LIN28B: variants seen among roughly 807,000 people sequenced by gnomAD.
LIN28B encodes protein lin-28 homolog B.
LIN28B carries 5 observed loss-of-function variants against 21.9 expected under a neutral mutation model. The observed-to-expected ratio is 0.23, with a 90% confidence interval of 0.12 to 0.48. The LOEUF is 0.48. Ranked by LOEUF, LIN28B falls within the 20% of genes least tolerant of loss-of-function variation. The probability of loss-of-function intolerance (pLI) is 0.98; values close to 1 mark genes in which losing one functional copy is unlikely to be tolerated. For synonymous variants in LIN28B, 109 were observed against 111.3 expected, an observed-to-expected ratio of 0.98 and a Z score of 0.13; for missense variants, 245 against 310.5, an observed-to-expected ratio of 0.79 and a Z score of 1.58.
At chr6:105,000,715 GAAT>G (rs1770702505) in intron 2 of LIN28B, among the ~76,000 whole-genome samples, 1 of 151,636 alleles carries the variant, frequency 6.6e-6, no homozygotes, top group Non-Finnish European at 1.5e-5. Flanking sequence ...CCTTAACCTA[GAAT>G]AATAATCACT....
chr6:105,019,032 G>C (rs567484523), intron 2 of LIN28B, among the ~76,000 whole-genome samples: 2 of 151,434 alleles, frequency 1.3e-5, no homozygotes, highest in African/African-American at 4.9e-5. Context: ...TGCAACCTCC[G>C]CCTCCCGGGT....
intron 2 of LIN28B, among the ~76,000 whole-genome samples, chr6:104,986,410 A>G (rs1049018321): frequency 6.6e-6 from 1 of 151,968 alleles, no homozygotes; most frequent in Non-Finnish European, 1.5e-5. Context: ...AATTATTGTT[A>G]CTTTATAGTA....
rs1772557591 is a variant in LIN28B, at chr6:105,082,394, CT to C, written c.*3614del. On this transcript the variant is annotated 3_prime_UTR_variant, in exon 4 of 4. Coordinates refer to ENST00000345080, the MANE Select transcript of LIN28B (RefSeq NM_001004317.4). ...ATAGGAGCCCATAAGTGTTAATAGA[CT>C]TTGTAACATTCACTATAAGATGAAT... 6.6e-6 allele frequency: 1 copy of C among 152,594 alleles called. No individual in the cohort carries two copies. Among genetic ancestry groups the C allele is most frequent in the Non-Finnish European group, 1.5e-5 (1 of 68,036 alleles). 9.5% of individuals were successfully genotyped at this position (152,594 alleles called of 1,614,324 possible).
intron 2 of LIN28B, among the ~76,000 whole-genome samples, chr6:105,012,807 G>A (rs1471237110): frequency 6.6e-6 from 1 of 152,116 alleles, no homozygotes; most frequent in Non-Finnish European, 1.5e-5. Flanking sequence ...GTGAACATGT[G>A]TTTTAATTTC....
At chr6:105,034,723 A>T (rs1368367541) in intron 3 of LIN28B, among the ~76,000 whole-genome samples, 1 of 152,070 alleles carries the variant, frequency 6.6e-6, no homozygotes, top group Non-Finnish European at 1.5e-5. Context: ...ACATGAATTA[A>T]CTTGCCTTTT....
intron 3 of LIN28B, chr6:104,950,609 C>A: frequency 1.6e-6 from 1 of 630,686 alleles, no homozygotes; most frequent in Non-Finnish European, 2.3e-6. Flanking sequence ...CTCAGGAATT[C>A]TCCATCCTTT....
chr6:104,979,558 T>C (rs1159737245), intron 2 of LIN28B, among the ~76,000 whole-genome samples: 1 of 151,968 alleles, frequency 6.6e-6, no homozygotes, highest in East Asian at 1.9e-4. Context: ...AGATAACCAC[T>C]GCTTACCCTT....
chr6:105,047,547 C>A (rs1771795984), intron 3 of LIN28B, among the ~76,000 whole-genome samples: 1 of 152,140 alleles, frequency 6.6e-6, no homozygotes, highest in South Asian at 2.1e-4. Context: ...TTTTCCAATT[C>A]TGTGAAGAAA....
chr6:104,949,711 ATTTAG>A (rs1436267788), intron 2 of LIN28B, among the ~76,000 whole-genome samples: 5 of 152,170 alleles, frequency 3.3e-5, no homozygotes, highest in African/African-American at 1.2e-4. Flanking sequence ...AAAAACAATA[ATTTAG>A]TAGTCACCAG....
At chr6:105,017,105 GAC>G (rs1771047754) in intron 2 of LIN28B, among the ~76,000 whole-genome samples, 1 of 147,266 alleles carries the variant, frequency 6.8e-6, no homozygotes, top group African/African-American at 2.5e-5. Flanking sequence ...AAAGATAACA[GAC>G]ACATTATAAT....
intron 3 of LIN28B, among the ~76,000 whole-genome samples, chr6:105,048,769 A>G (rs1245249803): frequency 6.6e-6 from 1 of 152,148 alleles, no homozygotes. Context: ...CAAGGAATTT[A>G]TCCATTTCTT....
In LIN28B at chr6:105,079,062, A is replaced by G. The variant is rs1772489117; in HGVS notation, c.*279A>G. ...TGTGTGTGTACATGAGGATTTTTAT[A>G]TAGGAATGTAGACACATATATAAAG... On this transcript the variant is annotated 3_prime_UTR_variant, in exon 4 of 4. Transcript: ENST00000345080. 1 of 327,848 alleles carries G rather than the reference A, an allele frequency of 3.1e-6. No individual in the cohort carries two copies. The highest frequency in any genetic ancestry group is 4.4e-5 in the Admixed American group (1 of 22,676). The allele number at this position is 327,848 out of a possible 1,614,324, so 20.3% of individuals were successfully genotyped here.
At position 104,982,978 on chromosome 6, in the gene LIN28B, A is replaced by AT. The variant is rs577764917; in HGVS notation, c.198+24701dup. ...CATGCCTGGCTAATTTTTTTCTTTT[A>AT]TTTTTTTTTGGTAGAGACAGGGTCT... On this transcript the variant is annotated intron_variant, in intron 2 of 3. Transcript: ENST00000345080. 6.1e-3 allele frequency among the ~76,000 whole-genome samples: 916 copies of AT among 149,824 alleles called. 7 individuals are homozygous for AT. The highest frequency in any genetic ancestry group is 9.4e-3 in the Non-Finnish European group (635 of 67,268).
At chr6:104,941,193 G>A (rs1778084023) in intron 2 of LIN28B, 1 of 152,244 alleles carries the variant, frequency 6.6e-6, no homozygotes, top group South Asian at 2.1e-4. Flanking sequence ...GGGCACCGCG[G>A]GGAAGTGACA....
rs202091291 is a variant in LIN28B, at chr6:104,989,503, G to A, written c.198+31217G>A. On this transcript the variant is annotated intron_variant, in intron 2 of 3. Coordinates refer to ENST00000345080, the MANE Select transcript of LIN28B (RefSeq NM_001004317.4). The stretch of plus-strand genomic sequence containing the variant: ...CTCCCAAAGTGCTGGGATTACAGGC[G>A]TGAGCCACCATGCCTGGTCCCACTA... 9.3e-5 allele frequency among the ~76,000 whole-genome samples: 14 copies of A among 151,024 alleles called. No individual in the cohort carries two copies. In the East Asian group the frequency reaches 2.4e-3, roughly 25 times the overall value.
At chr6:104,969,622 A>G (rs1769933507) in intron 2 of LIN28B, among the ~76,000 whole-genome samples, 2 of 152,186 alleles carry the variant, frequency 1.3e-5, no homozygotes, top group South Asian at 4.1e-4. Flanking sequence ...TATACTTTAA[A>G]TACATGTTAT....
chr6:104,948,570 T>C (rs1216549850), intron 2 of LIN28B, among the ~76,000 whole-genome samples: 1 of 152,216 alleles, frequency 6.6e-6, no homozygotes, highest in Non-Finnish European at 1.5e-5. Context: ...ACTCCTGATA[T>C]TTCATTTCAA....
chr6:105,002,431 C>T (rs1770737949), intron 2 of LIN28B, among the ~76,000 whole-genome samples: 1 of 152,050 alleles, frequency 6.6e-6, no homozygotes. Flanking sequence ...TGCAGACTAC[C>T]TCAGATTGTG....
At chr6:105,014,060 C>G (rs1434486965) in intron 2 of LIN28B, among the ~76,000 whole-genome samples, 1 of 151,896 alleles carries the variant, frequency 6.6e-6, no homozygotes, top group African/African-American at 2.4e-5. Context: ...ATTTATGTTC[C>G]TATTATTTTC....
Sources: allele counts gnomAD v4.1 joint callset (sites outside exome capture counted in the v4.1 genomes callset), GRCh38; gene constraint gnomAD v4.1.1; transcripts MANE v1.5; gene names NCBI Gene and HGNC (gene_info 2026-07-23, HGNC 2026-07-21).